The following DAAM2 variants were observed in gnomAD, a reference collection of about 807,000 sequenced individuals.
DAAM2 encodes the protein disheveled-associated activator of morphogenesis 2.
Under a neutral mutation model 120.7 loss-of-function variants are expected in DAAM2, and 39 were observed. The ratio of observed to expected loss-of-function variants is 0.32; its 90% confidence interval spans 0.25 to 0.42. The LOEUF (loss-of-function observed/expected upper bound fraction) is 0.42. Among genes scored for constraint, DAAM2 ranks in the 10% least tolerant of loss-of-function variants. The pLI, the probability that DAAM2 is intolerant of heterozygous loss-of-function variation, is 1.00. For missense variants in DAAM2, 1,283 were observed against 1,401.7 expected, an observed-to-expected ratio of 0.92 and a Z score of 1.35; for synonymous variants, 488 against 524.9, an observed-to-expected ratio of 0.93 and a Z score of 0.96.
At chr6:39,824,520 T>A (rs1246616267) in intron 1 of DAAM2, among the ~76,000 whole-genome samples, 2 of 152,204 alleles carry the variant, frequency 1.3e-5, no homozygotes, top group Non-Finnish European at 2.9e-5. Context: ...CTAGCAGCGG[T>A]TGAAGGCCAG....
At chr6:39,807,661 C>T (rs907022811) in intron 1 of DAAM2, among the ~76,000 whole-genome samples, 6 of 152,010 alleles carry the variant, frequency 3.9e-5, no homozygotes, top group Non-Finnish European at 5.9e-5. Context: ...GGATTACAGG[C>T]GAGCACAACT....
chr6:39,863,625 G>C (rs530453693), intron 3 of DAAM2, among the ~76,000 whole-genome samples: 49 of 152,170 alleles, frequency 3.2e-4, no homozygotes, highest in Non-Finnish European at 6.3e-4. Context: ...GGAATGAGCA[G>C]GATGGGTGTG....
At chr6:39,819,120 T>G (rs1762402843) in intron 1 of DAAM2, 1 of 152,212 alleles carries the variant, frequency 6.6e-6, no homozygotes, top group African/African-American at 2.4e-5. Flanking sequence ...TTGCATGCAC[T>G]AACTCACAGA....
At chr6:39,802,279 G>A (rs1364910747) in intron 1 of DAAM2, among the ~76,000 whole-genome samples, 1 of 152,214 alleles carries the variant, frequency 6.6e-6, no homozygotes, top group African/African-American at 2.4e-5. Context: ...GCATAAAGCT[G>A]TTTTTCAGAG....
intron 1 of DAAM2, among the ~76,000 whole-genome samples, chr6:39,842,633 A>AAAAT (rs1315990636): frequency 6.6e-6 from 1 of 152,226 alleles, no homozygotes; most frequent in African/African-American, 2.4e-5. Flanking sequence ...ACTCCGTCTC[A>AAAAT]AAATAAATAA....
At chr6:39,855,206 GA>G (rs984316214) in intron 1 of DAAM2, among the ~76,000 whole-genome samples, 3 of 152,322 alleles carry the variant, frequency 2.0e-5, no homozygotes, top group African/African-American at 7.2e-5. Context: ...AGGTTGTCAG[GA>G]ACGAGTGGTT....
At chr6:39,829,574 T>A (rs1173940669) in intron 1 of DAAM2, among the ~76,000 whole-genome samples, 1 of 152,162 alleles carries the variant, frequency 6.6e-6, no homozygotes, top group African/African-American at 2.4e-5. Flanking sequence ...AAGAGGAAAT[T>A]GGGCAATAGA....
chr6:39,855,292 A>G (rs1272171809), intron 1 of DAAM2, among the ~76,000 whole-genome samples: 1 of 152,142 alleles, frequency 6.6e-6, no homozygotes, highest in Non-Finnish European at 1.5e-5. Flanking sequence ...ATGTGGCACC[A>G]ATGACAGGGG....
intron 1 of DAAM2, among the ~76,000 whole-genome samples, chr6:39,818,370 G>C (rs1762378467): frequency 6.6e-6 from 1 of 152,010 alleles, no homozygotes; most frequent in Non-Finnish European, 1.5e-5. Flanking sequence ...TGTGTAATCG[G>C]GGGTGGGGAC....
chr6:39,886,267 G>T, intron 15 of DAAM2: 1 of 396,496 alleles, frequency 2.5e-6, no homozygotes, highest in South Asian at 1.4e-4. Flanking sequence ...TGCCACTTAT[G>T]GGTGCCTGTC....
intron 3 of DAAM2, chr6:39,862,088 T>C (rs1170342590): frequency 6.6e-6 from 1 of 152,220 alleles, no homozygotes; most frequent in Non-Finnish European, 1.5e-5. Context: ...GTCGATGCAG[T>C]CTCATTCTTT....
intron 22 of DAAM2, 96 bp from the exon 23 acceptor site, chr6:39,899,981 C>CA: frequency 7.2e-7 from 1 of 1,380,480 alleles, no homozygotes; most frequent in Non-Finnish European, 9.8e-7. Flanking sequence ...CCAAAGGGCT[C>CA]AATGTCCTGT....
intron 19 of DAAM2, among the ~76,000 whole-genome samples, chr6:39,893,478 A>G (rs899433005): frequency 1.3e-5 from 2 of 152,022 alleles, no homozygotes; most frequent in Non-Finnish European, 2.9e-5. Flanking sequence ...ACATGGAACC[A>G]CTGCACTCCA....
intron 14 of DAAM2, among the ~76,000 whole-genome samples, chr6:39,882,697 G>A (rs1053906365): frequency 8.3e-5 from 10 of 121,212 alleles, no homozygotes; most frequent in African/African-American, 3.1e-4. Context: ...GTGTGCTTCT[G>A]TGAGCGCACA....
At chr6:39,797,338 A>G (rs889757922) in intron 1 of DAAM2, among the ~76,000 whole-genome samples, 3 of 152,392 alleles carry the variant, frequency 2.0e-5, no homozygotes, top group East Asian at 1.9e-4. Flanking sequence ...TTAAATTTAT[A>G]TAACATTGTA....
intron 1 of DAAM2, chr6:39,821,986 GAGC>G (rs2114136538): frequency 6.6e-6 from 1 of 152,578 alleles, no homozygotes; most frequent in East Asian, 1.9e-4. Context: ...AGCTGCCCAT[GAGC>G]AGCAGCGGAC....
chr6:39,890,307 C>T (rs1397816119), intron 17 of DAAM2, among the ~76,000 whole-genome samples: 1 of 152,230 alleles, frequency 6.6e-6, no homozygotes, highest in Middle Eastern at 3.4e-3. Flanking sequence ...CACAGTTCAA[C>T]CCTGTGTTAC....
At position 39,879,287 on chromosome 6, in the gene DAAM2, G is replaced by C; in HGVS notation, c.1655G>C (p.Cys552Ser). 1.4e-6 allele frequency: 2 copies of C among 1,436,054 alleles called. No homozygotes were observed. The highest frequency in any genetic ancestry group is 1.5e-5 in the African/African-American group (1 of 68,656). 89.0% of individuals were successfully genotyped at this position (1,436,054 alleles called of 1,614,324 possible). Residue 552 changes from cysteine (C) to serine (S), a missense_variant, in exon 14 of 25, where the codon TGT (cysteine) becomes TCT (serine). Cys to Ser is a moderately radical substitution (Grantham distance 112, BLOSUM62 -1). Around this residue, in one of 3 missense-constraint regions of DAAM2, gnomAD observed 748 missense variants for 768.6 expected, o/e 0.97. Transcript: ENST00000274867. ...PPPPPLPFAC[C>S]PPPPPPPLPP... is the part of the protein sequence containing the mutation. ...CCTCCTCCTCTGCCCTTTGCCTGTTGTCCCCCTCCCCCACCACCACCCCTT... is the reference window on the plus strand; with the variant it reads ...CCTCCTCCTCTGCCCTTTGCCTGTTCTCCCCCTCCCCCACCACCACCCCTT...
chr6:39,873,365 C>A lies in DAAM2; in HGVS notation c.1162+10C>A. 6.4e-7 allele frequency: 1 copy of A among 1,562,282 alleles called. No homozygotes were observed. Among genetic ancestry groups the A allele is most frequent in the Non-Finnish European group, 8.8e-7 (1 of 1,135,078 alleles). ...TGCCTGCAGATGCCCTGTAAGTACC[C>A]TGCACTTGCTGCTTCCCTCGACTGG... is the stretch of plus-strand genomic sequence containing the variant. On this transcript the variant is annotated intron_variant, in intron 10 of 24. Coordinates refer to ENST00000274867, the MANE Select transcript of DAAM2 (RefSeq NM_001201427.2).
Sources: gnomAD v4.1 joint callset for allele counts (sites outside exome capture counted in the v4.1 genomes callset) on GRCh38, gnomAD v4.1.1 for gene constraint, gnomAD v4.1.1 regional missense constraint, MANE v1.5 for transcripts, NCBI Gene and HGNC (gene_info 2026-07-23, HGNC 2026-07-21) for gene names.